The following AGPS variants were observed in gnomAD, a reference collection of about 807,000 sequenced individuals.
AGPS encodes alkyldihydroxyacetonephosphate synthase, peroxisomal.
AGPS carries 26 observed loss-of-function variants against 90.7 expected under a neutral mutation model. The ratio of observed to expected loss-of-function variants is 0.29; its 90% CI spans 0.21 to 0.40. AGPS has a LOEUF of 0.40. Ranked by LOEUF, AGPS falls within the 10% of genes least tolerant of loss-of-function variation. The pLI is 1.00. For missense variants in AGPS, 540 were observed against 816.1 expected, an observed-to-expected ratio of 0.66 and a Z score of 4.12; for synonymous variants, 294 against 285.3, an observed-to-expected ratio of 1.03 and a Z score of -0.31.
chr2:177,434,284 G>A, intron 2 of AGPS, 43 bp from the exon 3 acceptor site: 1 of 1,400,950 alleles, frequency 7.1e-7, no homozygotes, highest in Non-Finnish European at 1.0e-6. Context: ...AAATTTAAAT[G>A]AAGATACTTT....
intron 11 of AGPS, among the ~76,000 whole-genome samples, chr2:177,484,545 C>T (rs752976197): frequency 6.6e-6 from 1 of 151,904 alleles, no homozygotes; most frequent in Non-Finnish European, 1.5e-5. Flanking sequence ...GGGATTTTGC[C>T]GTGTTGGCCA....
At chr2:177,460,921 T>G (rs1687273538) in intron 8 of AGPS, among the ~76,000 whole-genome samples, 1 of 152,264 alleles carries the variant, frequency 6.6e-6, no homozygotes, top group Admixed American at 6.5e-5. Context: ...GTATTGCTGA[T>G]ATGCAAAACC....
intron 10 of AGPS, among the ~76,000 whole-genome samples, chr2:177,480,220 T>TTATATA (rs1687903514): frequency 6.6e-6 from 1 of 152,140 alleles, no homozygotes; most frequent in Non-Finnish European, 1.5e-5. Flanking sequence ...AGCAATCCCA[T>TTATATA]TACTGGGTAT....
intron 19 of AGPS, among the ~76,000 whole-genome samples, chr2:177,529,948 C>A (rs979331787): frequency 2.6e-5 from 4 of 152,158 alleles, no homozygotes; most frequent in African/African-American, 7.2e-5. Flanking sequence ...CAACACTTAA[C>A]GTGTTAATCT....
intron 1 of AGPS, among the ~76,000 whole-genome samples, chr2:177,407,822 T>C (rs946798403): frequency 7.6e-6 from 1 of 131,172 alleles, no homozygotes; most frequent in African/African-American, 2.9e-5. Flanking sequence ...AAAAAAGAGG[T>C]GGGGTTTTGC....
intron 8 of AGPS, among the ~76,000 whole-genome samples, chr2:177,447,079 T>G (rs1323080839): frequency 6.6e-6 from 1 of 152,200 alleles, no homozygotes; most frequent in Non-Finnish European, 1.5e-5. Context: ...AATTTGTTAG[T>G]GATGTACTGA....
At chr2:177,491,293 G>T (rs573873242) in intron 11 of AGPS, among the ~76,000 whole-genome samples, 32 of 150,270 alleles carry the variant, frequency 2.1e-4, no homozygotes, top group South Asian at 4.2e-4. Context: ...TTGAGACAGA[G>T]TCTCGCTCTG....
rs1450071688 is a variant in AGPS at position 177,417,454 on chromosome 2, G to A, written c.261-2815G>A. Among the ~76,000 whole-genome samples the A allele has an allele frequency of 3.9e-5, 6 of 152,172 alleles. No homozygotes were observed. In the South Asian group the frequency reaches 1.2e-3, roughly 32 times the overall value. ...AACACTTCTGGTCCCAAGCATTTTG[G>A]ATAAAGGATACTCAATCTATAGTAA... On this transcript the variant is annotated intron_variant, in intron 1 of 19. Transcript: ENST00000264167.
At chr2:177,500,992 G>A (rs553341191) in intron 14 of AGPS, among the ~76,000 whole-genome samples, 8 of 152,196 alleles carry the variant, frequency 5.3e-5, no homozygotes, top group Non-Finnish European at 1.0e-4. Context: ...TAGGGAGTAC[G>A]TATGTAATTT....
intron 10 of AGPS, among the ~76,000 whole-genome samples, chr2:177,480,218 C>T (rs966073844): frequency 1.7e-4 from 26 of 152,122 alleles, no homozygotes; most frequent in Admixed American, 1.6e-3. Context: ...CCAGCAATCC[C>T]ATTACTGGGT....
At position 177,405,282 on chromosome 2, in the gene AGPS, C is replaced by A. The variant is rs77162274; in HGVS notation, c.260+12233C>A. Reference sequence around the variant, plus strand: ...TTTACATTGCTGCAATCAGTTATTGCCTGGAAGGAAGTGGTGGTAGTCATA... The same window carrying A: ...TTTACATTGCTGCAATCAGTTATTGACTGGAAGGAAGTGGTGGTAGTCATA... On this transcript the variant is annotated intron_variant, in intron 1 of 19. Transcript: ENST00000264167. Among the ~76,000 whole-genome samples the A allele has an allele frequency of 1.3e-3, 200 of 152,298 alleles. 6 individuals are homozygous for A. The East Asian group carries it at 0.037, about 28-fold the overall frequency.
intron 18 of AGPS, among the ~76,000 whole-genome samples, chr2:177,522,763 T>C (rs1181039492): frequency 6.6e-6 from 1 of 152,146 alleles, no homozygotes; most frequent in Non-Finnish European, 1.5e-5. Context: ...CGAGGGTTCT[T>C]ATAGATTACT....
intron 8 of AGPS, among the ~76,000 whole-genome samples, chr2:177,455,848 T>A (rs78157515): frequency 0.035 from 5,312 of 152,176 alleles, 204 homozygotes; most frequent in African/African-American, 0.097. Context: ...AATTTAGGGA[T>A]TTTTTAAGGA....
chr2:177,513,957 T>G, intron 17 of AGPS, 49 bp downstream of exon 17: 1 of 1,421,524 alleles, frequency 7.0e-7, no homozygotes, highest in Non-Finnish European at 9.9e-7. Context: ...AAAAAATGTT[T>G]TTTTTAATCA....
At chr2:177,511,275 G>A (rs1688862442) in intron 16 of AGPS, among the ~76,000 whole-genome samples, 2 of 151,634 alleles carry the variant, frequency 1.3e-5, no homozygotes, top group African/African-American at 4.8e-5. Flanking sequence ...AATTTTTTTT[G>A]TTTGTAGAGA....
chr2:177,439,581 C>T (rs1037518493), intron 5 of AGPS, among the ~76,000 whole-genome samples: 9 of 152,068 alleles, frequency 5.9e-5, no homozygotes, highest in Non-Finnish European at 1.3e-4. Flanking sequence ...TATTAAAAAT[C>T]GGAATGAAAC....
intron 8 of AGPS, among the ~76,000 whole-genome samples, chr2:177,448,938 G>T (rs1686856451): frequency 6.6e-6 from 1 of 152,178 alleles, no homozygotes; most frequent in Admixed American, 6.5e-5. Flanking sequence ...GAATCCTACA[G>T]TATGTATGGG....
At chr2:177,438,992 A>ACACC (rs1350414952) in intron 5 of AGPS, among the ~76,000 whole-genome samples, 1 of 151,830 alleles carries the variant, frequency 6.6e-6, no homozygotes, top group African/African-American at 2.4e-5. Context: ...ATACACACAC[A>ACACC]CACACACACA....
rs201492434 is a variant in AGPS, at chr2:177,503,004, CATCT to C, written c.1476-2498_1476-2495del. Among the ~76,000 whole-genome samples, 609 of 152,204 alleles carry C rather than the reference CATCT, an allele frequency of 4.0e-3. 5 individuals are homozygous for C. The highest frequency in any genetic ancestry group is 0.032 in the East Asian group (166 of 5,180). ...TTTTATTTTGAATTGGGGCATTATTCATCTATCCCTTTTTTTTTATTTGTTTATG... is the reference window on the plus strand; with the variant it reads ...TTTTATTTTGAATTGGGGCATTATTCATCCCTTTTTTTTTATTTGTTTATG... On this transcript the variant is annotated intron_variant, in intron 14 of 19. Transcript: ENST00000264167.
Sources: gnomAD v4.1 joint callset for allele counts (sites outside exome capture counted in the v4.1 genomes callset) on GRCh38, gnomAD v4.1.1 for gene constraint, MANE v1.5 for transcripts, NCBI Gene and HGNC (gene_info 2026-07-23, HGNC 2026-07-21) for gene names.